The following GIT2 variants were observed in gnomAD, a reference collection of about 807,000 sequenced individuals.
The protein encoded by GIT2 is ARF GTPase-activating protein GIT2.
In GIT2, 32 loss-of-function variants were observed where a neutral mutation model predicts 100.3. The ratio of observed to expected loss-of-function variants is 0.32; its 90% CI spans 0.24 to 0.43. The LOEUF is 0.43. Ranked by LOEUF, GIT2 falls within the 20% of genes least tolerant of loss-of-function variation. GIT2 has a pLI of 1.00. For missense variants in GIT2, 737 were observed against 975.1 expected (o/e 0.76, Z 3.25); for synonymous variants, 353 against 364.1 (o/e 0.97, Z 0.35).
chr12:109,942,108 AGC>A (rs1256677474), intron 16 of GIT2, among the ~76,000 whole-genome samples: 4 of 152,174 alleles, frequency 2.6e-5, no homozygotes, highest in Non-Finnish European at 4.4e-5. Flanking sequence ...TATAGGTGTT[AGC>A]CACCACACCT....
rs1877070447 is a variant in GIT2, at chr12:109,948,894, TTATG to T, written c.1393-1394_1393-1391del. The T allele has an allele frequency of 1.5e-6, 2 of 1,327,824 alleles. No individual in the cohort carries two copies. The highest frequency in any genetic ancestry group is 1.5e-5 in the African/African-American group (1 of 68,014). 82.3% of individuals were successfully genotyped at this position (1,327,824 alleles called of 1,614,324 possible). On this transcript the variant is annotated intron_variant, in intron 14 of 19. Transcript: ENST00000355312. The surrounding 1 kb of genome is among the most constrained non-coding windows in gnomAD (Gnocchi z 4.3). ...TACAAATCATGCTACTTTGTCAACT[TTATG>T]TATATTAAAAACTTTACCCAACTTT... is the stretch of plus-strand genomic sequence containing the variant.
intron 7 of GIT2, among the ~76,000 whole-genome samples, chr12:109,976,102 C>T (rs191798445): frequency 8.3e-4 from 102 of 123,012 alleles, no homozygotes; most frequent in Non-Finnish European, 1.4e-3. Flanking sequence ...GTAGAAATTA[C>T]TATACACACA....
intron 18 of GIT2, among the ~76,000 whole-genome samples, chr12:109,937,923 G>C (rs999285744): frequency 6.6e-6 from 1 of 152,068 alleles, no homozygotes; most frequent in African/African-American, 2.4e-5. Context: ...GACTGGTCTC[G>C]AACTCCTGAC....
intron 1 of GIT2, among the ~76,000 whole-genome samples, chr12:109,995,774 C>A (rs1284130900): frequency 2.0e-5 from 3 of 152,168 alleles, no homozygotes; most frequent in Non-Finnish European, 4.4e-5. Context: ...GACACCCAGG[C>A]GGAGAAAGGG....
chr12:109,939,846 A>T (rs541817154), intron 16 of GIT2: 1 of 152,470 alleles, frequency 6.6e-6, no homozygotes, highest in Non-Finnish European at 1.5e-5. Flanking sequence ...ACTGTACTCC[A>T]GCCTGGGAAA....
At chr12:109,994,197 C>T (rs867487595) in intron 1 of GIT2, among the ~76,000 whole-genome samples, 1 of 151,420 alleles carries the variant, frequency 6.6e-6, no homozygotes, top group Non-Finnish European at 1.5e-5. Context: ...GACAAGTATT[C>T]GACTAACCAC....
intron 13 of GIT2, chr12:109,952,448 C>T: frequency 5.8e-6 from 3 of 516,270 alleles, no homozygotes; most frequent in South Asian, 4.2e-5. Context: ...GAGTCCTCCC[C>T]AGACATGGCA....
At chr12:109,942,176 G>GGTGTGT (rs141974290) in intron 16 of GIT2, among the ~76,000 whole-genome samples, 2 of 151,748 alleles carry the variant, frequency 1.3e-5, no homozygotes, top group Non-Finnish European at 2.9e-5. Context: ...CCCACACAGA[G>GGTGTGT]GTGTGTGTGT....
chr12:109,945,401 C>T, intron 15 of GIT2, 52 bp from the exon 16 acceptor site: 1 of 878,654 alleles, frequency 1.1e-6, no homozygotes, highest in African/African-American at 1.7e-5. Context: ...AAACCAAAAA[C>T]CTACCACCTT....
Position 109,983,480 on chromosome 12 carries a change from A to G in GIT2, c.516T>C (p.His172=). The change falls in exon 6 of 20, where the codon CAT becomes CAC. Residue 172 remains histidine, a synonymous_variant. Coordinates refer to ENST00000355312, the MANE Select transcript of GIT2 (RefSeq NM_057169.5). ...AAATCTGCCCTGCTTTGGAGGCAAC[A>G]TGGAGTGGGGTGTTTCCTTTTTCCT... ...FHPEKGNTPL[H]VASKAGQILQ... The G allele has an allele frequency of 6.8e-6, 11 of 1,613,818 alleles. No homozygotes were observed. Among genetic ancestry groups the G allele is most frequent in the Non-Finnish European group, 9.3e-6 (11 of 1,179,712 alleles).
intron 4 of GIT2, among the ~76,000 whole-genome samples, chr12:109,986,711 G>C (rs948912508): frequency 6.6e-6 from 1 of 152,136 alleles, no homozygotes; most frequent in African/African-American, 2.4e-5. Flanking sequence ...CTTGAAGTGA[G>C]CCAAGATTGC....
chr12:109,967,497 T>C lies in GIT2; in HGVS notation c.725A>G (p.Lys242Arg), dbSNP rs1449440947. The part of the protein sequence containing the change: ...FYLCGRKPDH[K>R]NGQHFIIPQM... ...AGGTATTATAAAGTGCTGTCCATTT[T>C]TGTGATCTGAAACAGAAACCAAGTC... The change falls in exon 8 of 20, where the codon AAA becomes AGA. Residue 242 changes from lysine (K) to arginine (R), a missense_variant. Physicochemically the swap from Lys to Arg is conservative, Grantham distance 26. This residue lies in a region of GIT2 where 266 missense variants were observed against 376.2 expected (regional missense o/e 0.71). Transcript: ENST00000355312. The C allele has an allele frequency of 1.9e-6, 3 of 1,600,856 alleles. No individual in the cohort carries two copies. Among genetic ancestry groups the C allele is most frequent in the Admixed American group, 1.7e-5 (1 of 59,964 alleles).
At chr12:109,976,123 A>ACACACACACACAAAC (rs1555232729) in intron 7 of GIT2, among the ~76,000 whole-genome samples, 5 of 130,916 alleles carry the variant, frequency 3.8e-5, no homozygotes, top group East Asian at 2.0e-4. Context: ...CACACACACA[A>ACACACACACACAAAC]ACACACACAC....
At chr12:109,990,443 G>T (rs545529382) in intron 2 of GIT2, among the ~76,000 whole-genome samples, 5 of 152,160 alleles carry the variant, frequency 3.3e-5, no homozygotes, top group Non-Finnish European at 5.9e-5. Flanking sequence ...GAGCGTGAGC[G>T]GTTAGAAACT....
intron 11 of GIT2, among the ~76,000 whole-genome samples, chr12:109,960,737 T>C (rs1880855344): frequency 6.6e-6 from 1 of 152,266 alleles, no homozygotes; most frequent in Non-Finnish European, 1.5e-5. Flanking sequence ...CTCTATTGTA[T>C]ACAATGGTGC....
chr12:109,995,239 T>C (rs1040542021), intron 1 of GIT2, among the ~76,000 whole-genome samples: 3 of 152,214 alleles, frequency 2.0e-5, no homozygotes, highest in Non-Finnish European at 2.9e-5. Flanking sequence ...GATCTCTAAA[T>C]GTGAATATTA....
rs1384428918 is a variant in GIT2, at chr12:109,933,247, G to T, written c.2068-57C>A. On this transcript the variant is annotated intron_variant, in intron 19 of 19. Coordinates refer to ENST00000355312, the MANE Select transcript of GIT2 (RefSeq NM_057169.5). The surrounding 1 kb of genome is among the most constrained non-coding windows in gnomAD (Gnocchi z 4.5). ...ACTGCAGGGCAGACATCCAAAAGCA[G>T]GGGACAAACATTCTTCTAAAGCAAA... 12 of 1,026,560 alleles carry T rather than the reference G, an allele frequency of 1.2e-5. No homozygotes were observed. Among genetic ancestry groups the T allele is most frequent in the Admixed American group, 2.0e-5 (1 of 49,656 alleles). 63.6% of individuals were successfully genotyped at this position (1,026,560 alleles called of 1,614,324 possible).
rs1393052706 is a variant in GIT2, at chr12:109,934,039, C to T, written c.2050G>A (p.Ala684Thr). ...TGACTTACTTTGGGGAATAATGCTG[C>T]CATTTCTGTAACAGCTACGTGTATC... is the stretch of plus-strand genomic sequence containing the variant. ...ERIHVAVTEM[A>T]ALFPKKPKSD... is the part of the protein sequence containing the mutation. Residue 684 changes from alanine (A) to threonine (T), a missense_variant, in exon 19 of 20, where the codon GCA (alanine) becomes ACA (threonine). This residue lies in a region of GIT2 where 451 missense variants were observed against 543.7 expected (regional missense o/e 0.83). Transcript: ENST00000355312. The surrounding 1 kb of genome is among the most constrained non-coding windows in gnomAD (Gnocchi z 4.5). 2 of 1,568,214 alleles carry T rather than the reference C, an allele frequency of 1.3e-6. No individual in the cohort carries two copies. Among genetic ancestry groups the T allele is most frequent in the Non-Finnish European group, 1.8e-6 (2 of 1,138,408 alleles).
intron 7 of GIT2, among the ~76,000 whole-genome samples, chr12:109,970,223 G>A (rs770296565): frequency 3.1e-4 from 47 of 152,170 alleles, no homozygotes; most frequent in Admixed American, 1.9e-3. Flanking sequence ...GGCGGGTGCA[G>A]TGGCTCATGC....
Sources: allele counts gnomAD v4.1 joint callset (sites outside exome capture counted in the v4.1 genomes callset), GRCh38; gene constraint gnomAD v4.1.1; regional missense constraint gnomAD v4.1.1; non-coding constraint Gnocchi (gnomAD v3.1); transcripts MANE v1.5; gene names NCBI Gene and HGNC (gene_info 2026-07-23, HGNC 2026-07-21).